The following LAMA2 variants were observed in gnomAD, a reference collection of about 807,000 sequenced individuals.
LAMA2 encodes laminin subunit alpha 2.
A neutral mutation model predicts 364.8 loss-of-function variants in LAMA2; 269 were observed. The ratio of observed to expected loss-of-function variants is 0.74; its 90% CI spans 0.67 to 0.82. The LOEUF (loss-of-function observed/expected upper bound fraction) is 0.82, where lower values mean the gene tolerates loss of function less well. LAMA2 is among the 40% of genes least tolerant of loss of function. The pLI is 0.00. For synonymous variants in LAMA2, 1,379 were observed against 1,370.6 expected (o/e 1.01, Z -0.14); for missense variants, 3,807 against 3,873.2 (o/e 0.98, Z 0.45).
chr6:129,228,529 A>C (rs1197738937), intron 12 of LAMA2, among the ~76,000 whole-genome samples: 6 of 152,312 alleles, frequency 3.9e-5, no homozygotes, highest in Middle Eastern at 3.4e-3. Flanking sequence ...TCAATAATTA[A>C]ATTATTTTAA....
intron 1 of LAMA2, among the ~76,000 whole-genome samples, chr6:128,964,366 T>C (rs147850482): frequency 1.8e-3 from 275 of 152,182 alleles, no homozygotes; most frequent in African/African-American, 6.4e-3. Flanking sequence ...CTAATTGAAG[T>C]TTGAAGGTTC....
At chr6:129,197,319 C>G (rs1351578079) in intron 12 of LAMA2, among the ~76,000 whole-genome samples, 2 of 152,202 alleles carry the variant, frequency 1.3e-5, no homozygotes, top group Non-Finnish European at 2.9e-5. Context: ...CAGCCTGCTA[C>G]TTTACCCTAC....
intron 12 of LAMA2, among the ~76,000 whole-genome samples, chr6:129,241,322 C>A (rs962986948): frequency 6.6e-6 from 1 of 152,122 alleles, no homozygotes; most frequent in African/African-American, 2.4e-5. Flanking sequence ...TATGATCTCT[C>A]CCCAAAACGT....
At chr6:129,237,982 A>G (rs1239270232) in intron 12 of LAMA2, among the ~76,000 whole-genome samples, 1 of 138,176 alleles carries the variant, frequency 7.2e-6, no homozygotes, top group East Asian at 2.1e-4. Flanking sequence ...ACATGGTGAA[A>G]CCCTGTGTTT....
At chr6:128,893,026 T>G (rs889266281) in intron 1 of LAMA2, among the ~76,000 whole-genome samples, 1 of 151,988 alleles carries the variant, frequency 6.6e-6, no homozygotes, top group Non-Finnish European at 1.5e-5. Flanking sequence ...GCCTAACACA[T>G]AATGTGCAAA....
intron 41 of LAMA2, among the ~76,000 whole-genome samples, chr6:129,432,238 C>T (rs1001772686): frequency 3.3e-5 from 5 of 152,080 alleles, no homozygotes; most frequent in African/African-American, 1.2e-4. Context: ...GTTTTGATTC[C>T]TCCTTTAGAG....
intron 3 of LAMA2, among the ~76,000 whole-genome samples, chr6:129,081,265 G>A (rs550077885): frequency 9.9e-4 from 149 of 150,188 alleles, no homozygotes; most frequent in African/African-American, 3.6e-3. Context: ...AGGGGGGAGG[G>A]ATAGCATTAG....
chr6:129,025,565 G>A (rs765968110), intron 1 of LAMA2, among the ~76,000 whole-genome samples: 3 of 152,096 alleles, frequency 2.0e-5, no homozygotes, highest in Non-Finnish European at 4.4e-5. Flanking sequence ...TAAGTAGAAA[G>A]GTCCGTGGAG....
chr6:129,098,446 A>T (rs371657321), intron 4 of LAMA2, 31 bp downstream of exon 4: 4 of 1,612,502 alleles, frequency 2.5e-6, no homozygotes, highest in Non-Finnish European at 3.4e-6. Flanking sequence ...ATTTAAGCAC[A>T]TTTGATACGG....
chr6:129,193,741 A>G (rs1781674172), intron 12 of LAMA2, among the ~76,000 whole-genome samples: 1 of 152,246 alleles, frequency 6.6e-6, no homozygotes, highest in East Asian at 1.9e-4. Context: ...CTAACAAAAT[A>G]TAGCATTATT....
chr6:129,490,599 A>G (rs190786824), intron 56 of LAMA2: 1 of 152,336 alleles, frequency 6.6e-6, no homozygotes, highest in Admixed American at 6.5e-5. Context: ...CATGTTGCTA[A>G]GAAGAGGCTG....
At chr6:129,056,594 G>A (rs1033411676) in intron 2 of LAMA2, among the ~76,000 whole-genome samples, 21 of 151,944 alleles carry the variant, frequency 1.4e-4, no homozygotes, top group African/African-American at 5.1e-4. Context: ...TCTGGAATAG[G>A]ACTATAATAC....
chr6:129,478,330 G>C (rs1784182476), intron 53 of LAMA2, among the ~76,000 whole-genome samples: 1 of 151,904 alleles, frequency 6.6e-6, no homozygotes, highest in African/African-American at 2.4e-5. Context: ...TATATAGTTT[G>C]TTTATGCTGC....
chr6:128,883,339 C>T lies in LAMA2; in HGVS notation c.94C>T (p.Gln32Ter), dbSNP rs1775921049. Residue 32 changes from glutamine (Q) to a stop codon, truncating the protein, a stop_gained, in exon 1 of 65, where the codon CAG becomes TAG. Coordinates refer to ENST00000421865, the MANE Select transcript of LAMA2 (RefSeq NM_000426.4). LOFTEE classifies it high-confidence loss of function. ...AQRPQQQRQSQAHQQRGLFPA... is the reference protein window; with the variant it reads ...AQRPQQQRQS ...GCGGCCGCAGCAGCAGCGGCAGTCA[C>T]AGGCACATCAGCAAAGAGGTACAGT... The T allele has an allele frequency of 1.3e-6, 2 of 1,598,478 alleles. No homozygotes were observed. Among genetic ancestry groups the T allele is most frequent in the Non-Finnish European group, 1.7e-6 (2 of 1,172,812 alleles).
intron 33 of LAMA2, among the ~76,000 whole-genome samples, chr6:129,369,227 A>G (rs1359720991): frequency 1.3e-5 from 2 of 150,526 alleles, no homozygotes; most frequent in Non-Finnish European, 3.0e-5. Context: ...TCTACACAAA[A>G]CCCGCTATGG....
intron 10 of LAMA2, among the ~76,000 whole-genome samples, chr6:129,180,442 C>T (rs1780862300): frequency 6.6e-6 from 1 of 152,000 alleles, no homozygotes; most frequent in South Asian, 2.1e-4. Context: ...TTCTCTTATA[C>T]TATAACATAT....
At chr6:129,214,133 G>A (rs953947804) in intron 12 of LAMA2, among the ~76,000 whole-genome samples, 2 of 152,122 alleles carry the variant, frequency 1.3e-5, no homozygotes, top group Non-Finnish European at 2.9e-5. Context: ...ATTTATAAAG[G>A]AGAGAGTTCT....
At chr6:129,332,599 A>G (rs1038079462) in intron 29 of LAMA2, among the ~76,000 whole-genome samples, 20 of 151,976 alleles carry the variant, frequency 1.3e-4, no homozygotes, top group African/African-American at 4.8e-4. Context: ...TACACTAGTC[A>G]CTCTTCTCTC....
At chr6:129,013,653 G>A (rs1487529293) in intron 1 of LAMA2, among the ~76,000 whole-genome samples, 1 of 152,056 alleles carries the variant, frequency 6.6e-6, no homozygotes, top group Non-Finnish European at 1.5e-5. Flanking sequence ...TGTAAGCCAC[G>A]AAAGGCATTT....
Sources: allele counts gnomAD v4.1 joint callset (sites outside exome capture counted in the v4.1 genomes callset), GRCh38; gene constraint gnomAD v4.1.1; transcripts MANE v1.5; gene names NCBI Gene and HGNC (gene_info 2026-07-23, HGNC 2026-07-21).